Variants in CORIN observed in about 807,000 individuals in gnomAD.
The protein encoded by CORIN is atrial natriuretic peptide-converting enzyme.
In CORIN, 117 loss-of-function variants were observed where a neutral mutation model predicts 125.3. That is an observed-to-expected ratio of 0.93 (90% confidence interval 0.80 to 1.09). CORIN has a LOEUF of 1.09. Ranked by LOEUF, CORIN falls within the 50% of genes least tolerant of loss-of-function variation. The pLI is 0.00. For missense variants in CORIN, 1,253 were observed against 1,306.7 expected (o/e 0.96, Z 0.63); for synonymous variants, 450 against 466.4 (o/e 0.96, Z 0.45).
At chr4:47,796,237 T>TA (rs920867370) in intron 2 of CORIN, among the ~76,000 whole-genome samples, 1 of 151,980 alleles carries the variant, frequency 6.6e-6, no homozygotes, top group Non-Finnish European at 1.5e-5. Flanking sequence ...GAATAAATTT[T>TA]AAAAATGTGG....
At chr4:47,641,838 G>C in intron 16 of CORIN, 82 bp downstream of exon 16, 1 of 1,510,350 alleles carries the variant, frequency 6.6e-7, no homozygotes, top group Non-Finnish European at 9.0e-7. Flanking sequence ...CTAACTCTCT[G>C]TGCATCCTAA....
intron 10 of CORIN, among the ~76,000 whole-genome samples, chr4:47,669,572 CTTT>C (rs1206820586): frequency 3.7e-5 from 5 of 135,498 alleles, no homozygotes; most frequent in Admixed American, 7.4e-5. Context: ...TATATATATG[CTTT>C]TTTTTTTTTT....
intron 3 of CORIN, among the ~76,000 whole-genome samples, chr4:47,778,080 C>A (rs1472510478): frequency 6.6e-6 from 1 of 152,180 alleles, no homozygotes; most frequent in Non-Finnish European, 1.5e-5. Context: ...ATTATTTTTA[C>A]AATGCTGTTA....
intron 3 of CORIN, among the ~76,000 whole-genome samples, chr4:47,766,622 A>G (rs987644107): frequency 2.0e-5 from 3 of 152,136 alleles, no homozygotes; most frequent in African/African-American, 7.2e-5. Flanking sequence ...CAGAAAAACA[A>G]ATAGAGAAGG....
At chr4:47,646,198 A>T (rs1646996737) in intron 13 of CORIN, among the ~76,000 whole-genome samples, 1 of 152,246 alleles carries the variant, frequency 6.6e-6, no homozygotes, top group Non-Finnish European at 1.5e-5. Flanking sequence ...TATGCTTTTA[A>T]GCAAATATGC....
At chr4:47,815,018 A>G (rs1160485093) in intron 1 of CORIN, among the ~76,000 whole-genome samples, 1 of 152,178 alleles carries the variant, frequency 6.6e-6, no homozygotes, top group African/African-American at 2.4e-5. Context: ...CAGGCACCAT[A>G]TAACATTAGT....
intron 1 of CORIN, among the ~76,000 whole-genome samples, chr4:47,827,829 T>C (rs544667977): frequency 6.6e-6 from 1 of 152,308 alleles, no homozygotes; most frequent in South Asian, 2.1e-4. Context: ...CCCAGCTTGA[T>C]CCTGGGCCAT....
At chr4:47,764,499 T>G (rs1185921858) in intron 3 of CORIN, among the ~76,000 whole-genome samples, 2 of 152,258 alleles carry the variant, frequency 1.3e-5, no homozygotes, top group Non-Finnish European at 2.9e-5. Flanking sequence ...GATTCATTGC[T>G]TTTATTGTTG....
chr4:47,649,373 C>T (rs1314967604), intron 13 of CORIN, among the ~76,000 whole-genome samples: 1 of 152,196 alleles, frequency 6.6e-6, no homozygotes, highest in Admixed American at 6.5e-5. Flanking sequence ...CCTGACAGAC[C>T]AGCCCACTCT....
chr4:47,805,235 G>A (rs1431788340), intron 2 of CORIN, among the ~76,000 whole-genome samples: 1 of 151,596 alleles, frequency 6.6e-6, no homozygotes, highest in Admixed American at 6.6e-5. Flanking sequence ...AAGTATAAAT[G>A]CTTGAGGGGA....
At chr4:47,753,165 G>A (rs934310548) in intron 4 of CORIN, among the ~76,000 whole-genome samples, 4 of 152,074 alleles carry the variant, frequency 2.6e-5, no homozygotes, top group African/African-American at 4.8e-5. Context: ...CCCTTGAGCC[G>A]CAAAACCAGC....
At chr4:47,608,564 C>T (rs1274675594) in intron 19 of CORIN, among the ~76,000 whole-genome samples, 1 of 152,218 alleles carries the variant, frequency 6.6e-6, no homozygotes, top group East Asian at 1.9e-4. Context: ...GATGTTAAAA[C>T]ACCTTATTCT....
At chr4:47,653,138 A>G (rs1232847221) in intron 13 of CORIN, among the ~76,000 whole-genome samples, 2 of 152,194 alleles carry the variant, frequency 1.3e-5, no homozygotes, top group Non-Finnish European at 2.9e-5. Context: ...CTTTCAGTAC[A>G]TTGTTATAAT....
At chr4:47,735,140 T>G (rs1266458181) in intron 5 of CORIN, among the ~76,000 whole-genome samples, 1 of 152,228 alleles carries the variant, frequency 6.6e-6, no homozygotes, top group Non-Finnish European at 1.5e-5. Context: ...AACACTTTGC[T>G]GGTTGGCATA....
chr4:47,595,962 A>C, intron 21 of CORIN, 59 bp from the exon 22 acceptor site: 1 of 1,398,758 alleles, frequency 7.1e-7, no homozygotes. Flanking sequence ...ATGTGTGTCC[A>C]TGCTATCCTG....
chr4:47,782,104 G>C (rs937518675), intron 3 of CORIN, among the ~76,000 whole-genome samples: 1 of 151,866 alleles, frequency 6.6e-6, no homozygotes, highest in African/African-American at 2.4e-5. Context: ...CTGAAAGAAG[G>C]CCAGGCGCAG....
chr4:47,611,419 C>T (rs1339482716), intron 19 of CORIN, among the ~76,000 whole-genome samples: 1 of 152,162 alleles, frequency 6.6e-6, no homozygotes, highest in Non-Finnish European at 1.5e-5. Context: ...TATAAAAATG[C>T]TAGCAATTTT....
intron 16 of CORIN, among the ~76,000 whole-genome samples, chr4:47,627,512 C>T (rs2109568627): frequency 6.6e-6 from 1 of 152,198 alleles, no homozygotes; most frequent in East Asian, 1.9e-4. Flanking sequence ...AGAAGAGTGG[C>T]TTAAGATATA....
intron 6 of CORIN, among the ~76,000 whole-genome samples, chr4:47,686,024 G>C (rs1725497828): frequency 6.8e-6 from 1 of 148,000 alleles, no homozygotes; most frequent in African/African-American, 2.5e-5. Context: ...CATACAAGTA[G>C]CAGCCACCAC....
Sources: gnomAD v4.1 joint callset for allele counts (sites outside exome capture counted in the v4.1 genomes callset) on GRCh38, gnomAD v4.1.1 for gene constraint, MANE v1.5 for transcripts, NCBI Gene and HGNC (gene_info 2026-07-23, HGNC 2026-07-21) for gene names.